The following FLRT1 variants were observed in gnomAD, a reference collection of about 807,000 sequenced individuals.
FLRT1 encodes leucine-rich repeat transmembrane protein FLRT1.
FLRT1 carries 14 observed loss-of-function variants against 30.9 expected under a neutral mutation model. The observed-to-expected ratio is 0.45, with a 90% CI of 0.30 to 0.71. The LOEUF is 0.71. FLRT1 is among the 30% of genes least tolerant of loss of function. FLRT1 has a pLI of 0.08. For missense variants in FLRT1, 737 were observed against 949.2 expected (o/e 0.78, Z 2.94); for synonymous variants, 368 against 430.4 (o/e 0.85, Z 1.80).
chr11:64,110,204 C>T (rs1028692856), intron 2 of FLRT1, among the ~76,000 whole-genome samples: 1 of 152,154 alleles, frequency 6.6e-6, no homozygotes, highest in African/African-American at 2.4e-5. Flanking sequence ...AATCTCAGCA[C>T]TTTGGGATGC....
chr11:64,060,686 G>GTTCATTCATTCATTCA (rs10611075), intron 1 of FLRT1: 1 of 151,646 alleles, frequency 6.6e-6, no homozygotes, highest in Non-Finnish European at 1.5e-5. Flanking sequence ...TAGTTCATTC[G>GTTCATTCATTCATTCA]TTCATTCATT....
At chr11:64,095,794 TCCTGAAATAGG>T (rs1944565557) in intron 1 of FLRT1, among the ~76,000 whole-genome samples, 1 of 152,112 alleles carries the variant, frequency 6.6e-6, no homozygotes, top group Non-Finnish European at 1.5e-5. Context: ...AGCAGGGGGC[TCCTGAAATAGG>T]CCAAGAGGGG....
chr11:64,048,769 G>A (rs552488263), intron 1 of FLRT1, among the ~76,000 whole-genome samples: 5 of 152,294 alleles, frequency 3.3e-5, no homozygotes, highest in Admixed American at 6.5e-5. Context: ...CTCTAAGGGC[G>A]GAGCTGGATC....
At position 64,096,138 on chromosome 11, in the gene FLRT1, C is replaced by T. The variant is rs1286111510; in HGVS notation, c.-1037-7056C>T. 6.6e-6 allele frequency among the ~76,000 whole-genome samples: 1 copy of T among 152,244 alleles called. No individual in the cohort carries two copies. The highest frequency in any genetic ancestry group is 1.5e-5 in the Non-Finnish European group (1 of 68,038). ...GTGAGAGTGCCCAGACCCTGGAGGCCAGGAGGGGACCAGGGCTGCCCGCCG... is the reference window on the plus strand; with the variant it reads ...GTGAGAGTGCCCAGACCCTGGAGGCTAGGAGGGGACCAGGGCTGCCCGCCG... On this transcript the variant is annotated intron_variant, in intron 1 of 2. Coordinates refer to ENST00000682287, the MANE Select transcript of FLRT1 (RefSeq NM_013280.5). The surrounding 1 kb of genome is among the most constrained non-coding windows in gnomAD (Gnocchi z 4.6).
intron 1 of FLRT1, among the ~76,000 whole-genome samples, chr11:64,057,114 C>T (rs1295481290): frequency 1.3e-5 from 2 of 152,246 alleles, no homozygotes; most frequent in Non-Finnish European, 2.9e-5. Flanking sequence ...CCTGTGTGTT[C>T]ATCGGCTCCC....
chr11:64,053,539 T>C (rs990453445), intron 1 of FLRT1, among the ~76,000 whole-genome samples: 7 of 152,022 alleles, frequency 4.6e-5, no homozygotes, highest in Non-Finnish European at 7.4e-5. Context: ...TCTGAGGCTG[T>C]AGGGACAACC....
intron 2 of FLRT1, among the ~76,000 whole-genome samples, chr11:64,108,870 C>G (rs1372050661): frequency 1.3e-5 from 2 of 152,100 alleles, no homozygotes; most frequent in Non-Finnish European, 2.9e-5. Context: ...TCTGCAGCAA[C>G]CACACACCAG....
At chr11:64,048,437 G>A (rs1044539172) in intron 1 of FLRT1, among the ~76,000 whole-genome samples, 3 of 152,310 alleles carry the variant, frequency 2.0e-5, no homozygotes, top group Admixed American at 1.3e-4. Flanking sequence ...GGCCTGGGAC[G>A]GGTGTGGCCT....
chr11:64,091,615 T>G (rs556760097), intron 1 of FLRT1, among the ~76,000 whole-genome samples: 38 of 152,226 alleles, frequency 2.5e-4, no homozygotes, highest in African/African-American at 8.9e-4. Context: ...CCTAGGACGT[T>G]GCCGCCACCA....
At chr11:64,113,952 ATGGATGGATGGATAAT>A (rs1248406002) in intron 2 of FLRT1, among the ~76,000 whole-genome samples, 29 of 148,408 alleles carry the variant, frequency 2.0e-4, no homozygotes, top group East Asian at 6.2e-4. Flanking sequence ...GGATGGATGG[ATGGATGGATGGATAAT>A]TGGATGGATG....
intron 1 of FLRT1, among the ~76,000 whole-genome samples, chr11:64,052,267 C>A (rs189365041): frequency 2.5e-4 from 38 of 152,186 alleles, no homozygotes; most frequent in African/African-American, 8.4e-4. Context: ...GGAAAAAAAA[C>A]AACTTTTTTT....
At chr11:64,063,151 A>C (rs1943936046) in intron 1 of FLRT1, among the ~76,000 whole-genome samples, 1 of 152,300 alleles carries the variant, frequency 6.6e-6, no homozygotes, top group East Asian at 1.9e-4. Context: ...GATCAAAGGC[A>C]CAGATGCAGG....
At chr11:64,071,496 C>T (rs1378945344) in intron 1 of FLRT1, among the ~76,000 whole-genome samples, 1 of 152,134 alleles carries the variant, frequency 6.6e-6, no homozygotes, top group African/African-American at 2.4e-5. Context: ...GTCCCCTTGG[C>T]CAGCTCGCCC....
Position 64,116,880 on chromosome 11 carries a change from C to G in FLRT1, c.613C>G (p.Leu205Val). The change falls in exon 3 of 3, where the codon CTG (leucine) becomes GTG (valine). Residue 205 changes from leucine to valine, a missense_variant. Coordinates refer to ENST00000682287, the MANE Select transcript of FLRT1 (RefSeq NM_013280.5). ...GLPHTLEELR[L>V]DDNRISTIPL... ...GCCGCACACGCTGGAGGAGCTGCGG[C>G]TGGATGACAACCGCATCTCCACCAT... is the stretch of plus-strand genomic sequence containing the variant. The G allele has an allele frequency of 6.2e-7, 1 of 1,611,734 alleles. No homozygotes were observed. Among genetic ancestry groups the G allele is most frequent in the Non-Finnish European group, 8.5e-7 (1 of 1,179,964 alleles).
At chr11:64,045,776 A>T (rs1943573609) in intron 1 of FLRT1, among the ~76,000 whole-genome samples, 2 of 152,200 alleles carry the variant, frequency 1.3e-5, no homozygotes, top group Non-Finnish European at 2.9e-5. Context: ...GATGAGAAGG[A>T]ATTCAGAACT....
rs1260594330 is a variant in FLRT1 at position 64,118,202 on chromosome 11, C to T, written c.1935C>T (p.Ser645=). Residue 645 remains serine (S), a synonymous_variant, in exon 3 of 3, where the codon AGC becomes AGT. Transcript: ENST00000682287. ...VHTIFPSNGS[S]LCKATHTIGY... is the part of the protein sequence containing the mutation. ...CTATCTTCCCCTCCAACGGCAGCAG[C>T]CTCTGCAAGGCCACACACACCATTG... The T allele has an allele frequency of 2.5e-6, 4 of 1,613,280 alleles. No individual in the cohort carries two copies. The highest frequency in any genetic ancestry group is 2.5e-6 in the Non-Finnish European group (3 of 1,179,926).
At chr11:64,087,101 G>T (rs1477743968) in intron 1 of FLRT1, 1 of 152,176 alleles carries the variant, frequency 6.6e-6, no homozygotes, top group African/African-American at 2.4e-5. Flanking sequence ...ATCCCCACTG[G>T]TAAATGATAT....
intron 1 of FLRT1, among the ~76,000 whole-genome samples, chr11:64,089,000 C>T (rs919582460): frequency 1.3e-5 from 2 of 152,140 alleles, no homozygotes; most frequent in African/African-American, 4.8e-5. Flanking sequence ...GAGAGAGCCA[C>T]CGAAGCCACT....
chr11:64,098,635 T>G (rs1490747938), intron 1 of FLRT1, among the ~76,000 whole-genome samples: 1 of 152,186 alleles, frequency 6.6e-6, no homozygotes, highest in Non-Finnish European at 1.5e-5. Context: ...ACAAAGAGCC[T>G]TTTCATCTAT....
Sources: allele counts gnomAD v4.1 joint callset (sites outside exome capture counted in the v4.1 genomes callset), GRCh38; gene constraint gnomAD v4.1.1; non-coding constraint Gnocchi (gnomAD v3.1); transcripts MANE v1.5; gene names NCBI Gene and HGNC (gene_info 2026-07-23, HGNC 2026-07-21).